The following PREP variants were observed in gnomAD, a reference collection of about 807,000 sequenced individuals.
The protein encoded by PREP is prolyl endopeptidase, also known as dJ355L5.1 (prolyl endopeptidase).
In PREP, 29 loss-of-function variants were observed where a neutral mutation model predicts 87.6. The ratio of observed to expected loss-of-function variants is 0.33; its 90% confidence interval spans 0.25 to 0.45. PREP has a LOEUF of 0.45. Ranked by LOEUF, PREP falls within the 20% of genes least tolerant of loss-of-function variation. The pLI, the probability that PREP is intolerant of heterozygous loss-of-function variation, is 1.00. For missense variants in PREP, 695 were observed against 886.5 expected, an observed-to-expected ratio of 0.78 and a Z score of 2.74; for synonymous variants, 337 against 328.6, an observed-to-expected ratio of 1.03 and a Z score of -0.28.
At chr6:105,395,529 T>G (rs12213874) in intron 2 of PREP, among the ~76,000 whole-genome samples, 2 of 152,026 alleles carry the variant, frequency 1.3e-5, no homozygotes, top group East Asian at 3.8e-4. Context: ...GTAAAGTGCC[T>G]GGCACATGGT....
intron 3 of PREP, 42 bp downstream of exon 3, chr6:105,377,344 T>G: frequency 1.3e-6 from 2 of 1,560,400 alleles, no homozygotes; most frequent in African/African-American, 2.8e-5. Context: ...AGAAAGCATT[T>G]ACTTTGAAAA....
chr6:105,353,655 C>T (rs1311536996), intron 6 of PREP, among the ~76,000 whole-genome samples: 1 of 151,518 alleles, frequency 6.6e-6, no homozygotes, highest in Non-Finnish European at 1.5e-5. Flanking sequence ...GCCTGTAATC[C>T]CAGCTACTCG....
intron 1 of PREP, among the ~76,000 whole-genome samples, chr6:105,400,527 T>C (rs1773399091): frequency 6.6e-6 from 1 of 152,156 alleles, no homozygotes; most frequent in Non-Finnish European, 1.5e-5. Context: ...GGAATGTCCT[T>C]TGTCCCTTAC....
intron 6 of PREP, among the ~76,000 whole-genome samples, chr6:105,363,161 CTT>C (rs1772297748): frequency 6.6e-6 from 1 of 152,032 alleles, no homozygotes; most frequent in Middle Eastern, 3.4e-3. Flanking sequence ...GAAAAAAAAA[CTT>C]TTCAAGAATT....
intron 10 of PREP, among the ~76,000 whole-genome samples, chr6:105,313,378 C>T (rs553989616): frequency 4.8e-4 from 73 of 152,346 alleles, no homozygotes; most frequent in African/African-American, 1.3e-3. Flanking sequence ...CCTATTGTCT[C>T]TCCTCTCCTT....
intron 7 of PREP, among the ~76,000 whole-genome samples, chr6:105,349,233 T>C (rs1771878991): frequency 6.6e-6 from 1 of 152,132 alleles, no homozygotes; most frequent in East Asian, 1.9e-4. Context: ...TATTCTTAAG[T>C]GAAAATACTG....
intron 7 of PREP, among the ~76,000 whole-genome samples, chr6:105,341,637 G>A (rs1241379732): frequency 2.6e-5 from 4 of 152,072 alleles, no homozygotes; most frequent in South Asian, 2.1e-4. Context: ...TTGATAGACC[G>A]CTAGCAAGAC....
intron 2 of PREP, among the ~76,000 whole-genome samples, chr6:105,395,563 C>A (rs1280178856): frequency 1.4e-5 from 2 of 147,764 alleles, no homozygotes; most frequent in African/African-American, 5.3e-5. Flanking sequence ...ATGTATACCA[C>A]AAAAATAGTG....
At position 105,377,441 on chromosome 6, in the gene PREP, T is replaced by C; in HGVS notation, c.199A>G (p.Met67Val). 6.2e-7 allele frequency: 1 copy of C among 1,613,724 alleles called. No individual in the cohort carries two copies. Among genetic ancestry groups the C allele is most frequent in the South Asian group, 1.1e-5 (1 of 91,058 alleles). ...CPIRGLYKER[M>V]TELYDYPKYS... ...TTGGGATAATCATATAGTTCAGTCA[T>C]TCTCTCTTTGTATAAACCTCTGATG... is the stretch of plus-strand genomic sequence containing the variant. The change falls in exon 3 of 15, where the codon ATG becomes GTG. Residue 67 changes from methionine to valine, a missense_variant. Transcript: ENST00000652536.
chr6:105,318,845 G>A (rs1401061111), intron 10 of PREP, among the ~76,000 whole-genome samples: 1 of 152,148 alleles, frequency 6.6e-6, no homozygotes, highest in Non-Finnish European at 1.5e-5. Context: ...ACTGCCACTC[G>A]TTCACTAGTC....
intron 7 of PREP, among the ~76,000 whole-genome samples, chr6:105,346,955 C>T (rs1771813366): frequency 6.6e-6 from 1 of 152,052 alleles, no homozygotes; most frequent in Non-Finnish European, 1.5e-5. Context: ...ACAAAATTAG[C>T]TGGGTGTGGT....
chr6:105,396,758 GAACAT>G (rs1773295409), intron 2 of PREP, among the ~76,000 whole-genome samples: 1 of 151,918 alleles, frequency 6.6e-6, no homozygotes. Flanking sequence ...TTGGGATGCT[GAACAT>G]ATCAGAAACT....
At chr6:105,330,108 T>G (rs898829725) in intron 8 of PREP, among the ~76,000 whole-genome samples, 1 of 152,126 alleles carries the variant, frequency 6.6e-6, no homozygotes, top group Admixed American at 6.5e-5. Context: ...TTGGGGCAGA[T>G]GGAGATGCTG....
At chr6:105,376,400 T>C (rs1314441855) in intron 3 of PREP, 145 bp from the exon 4 acceptor site, 2 of 850,500 alleles carry the variant, frequency 2.4e-6, no homozygotes, top group South Asian at 2.0e-5. Context: ...CGTGGGGACA[T>C]GGGTGAAAGG....
At chr6:105,341,035 C>A (rs1399039792) in intron 7 of PREP, among the ~76,000 whole-genome samples, 1 of 152,210 alleles carries the variant, frequency 6.6e-6, no homozygotes, top group Non-Finnish European at 1.5e-5. Context: ...CTGCACTAAA[C>A]AGACCTAATA....
chr6:105,350,380 G>A (rs1422816925), intron 7 of PREP, among the ~76,000 whole-genome samples: 1 of 151,936 alleles, frequency 6.6e-6, no homozygotes, highest in East Asian at 1.9e-4. Context: ...ACTTTAACAG[G>A]GTAACCAGTT....
chr6:105,358,555 T>G (rs758605845), intron 6 of PREP, among the ~76,000 whole-genome samples: 1 of 152,120 alleles, frequency 6.6e-6, no homozygotes, highest in Non-Finnish European at 1.5e-5. Flanking sequence ...AGCCTTTCAT[T>G]TTCTATAAGC....
At chr6:105,399,955 T>C (rs1434292794) in intron 1 of PREP, among the ~76,000 whole-genome samples, 1 of 152,158 alleles carries the variant, frequency 6.6e-6, no homozygotes, top group Non-Finnish European at 1.5e-5. Flanking sequence ...AATTCAGGCA[T>C]ATCTAGAATT....
intron 10 of PREP, among the ~76,000 whole-genome samples, chr6:105,316,613 C>G (rs553596089): frequency 2.1e-4 from 32 of 151,966 alleles, no homozygotes; most frequent in Non-Finnish European, 4.3e-4. Flanking sequence ...TACAATAAAG[C>G]AAAATAAAAC....
Sources: gnomAD v4.1 joint callset for allele counts (sites outside exome capture counted in the v4.1 genomes callset) on GRCh38, gnomAD v4.1.1 for gene constraint, MANE v1.5 for transcripts, NCBI Gene and HGNC (gene_info 2026-07-23, HGNC 2026-07-21) for gene names.